DMBX1: variants seen among roughly 807,000 people sequenced by gnomAD.
The protein encoded by DMBX1 is diencephalon/mesencephalon homeobox 1, also known as diencephalon/mesencephalon homeobox protein 1.
In DMBX1, 7 loss-of-function variants were observed where a neutral mutation model predicts 30.4. The ratio of observed to expected loss-of-function variants is 0.23; its 90% CI spans 0.13 to 0.43. The LOEUF (loss-of-function observed/expected upper bound fraction) is 0.43, where lower values mean the gene tolerates loss of function less well. DMBX1 is among the 20% of genes least tolerant of loss of function. DMBX1 has a pLI of 1.00. For missense variants in DMBX1, 460 were observed against 508.5 expected (o/e 0.90, Z 0.92); for synonymous variants, 222 against 214.2 (o/e 1.04, Z -0.32).
In DMBX1 at chr1:46,510,660, G is replaced by A. The variant is rs774193919; in HGVS notation, c.333+6G>A. 9 of 1,612,714 alleles carry A rather than the reference G, an allele frequency of 5.6e-6. No homozygotes were observed. The highest frequency in any genetic ancestry group is 5.1e-6 in the Non-Finnish European group (6 of 1,179,500). Reference sequence around the variant, plus strand: ...TGCCTGAGGCCCGGGTGCAGGTAGGGCCCAACTCTCCTAACTAGGCCTTGC... The same window carrying A: ...TGCCTGAGGCCCGGGTGCAGGTAGGACCCAACTCTCCTAACTAGGCCTTGC... On this transcript the variant is annotated splice_donor_region_variant and intron_variant, in intron 4 of 5. Transcript: ENST00000360032. This position sits in a 1 kb window ranked among gnomAD's most constrained non-coding sequence, Gnocchi z 4.1.
chr1:46,512,034 T>G lies in DMBX1; in HGVS notation c.683-9T>G. The G allele has an allele frequency of 6.2e-7, 1 of 1,606,328 alleles. No individual in the cohort carries two copies. Among genetic ancestry groups the G allele is most frequent in the Non-Finnish European group, 8.5e-7 (1 of 1,177,864 alleles). Reference sequence around the variant, plus strand: ...CTGAGGGCTTTGTTCTTGGGTTCTCTGCTTGCAGATTCCCCAGGCAGCCTG... The same window carrying G: ...CTGAGGGCTTTGTTCTTGGGTTCTCGGCTTGCAGATTCCCCAGGCAGCCTG... On this transcript the variant is annotated splice_polypyrimidine_tract_variant and intron_variant, in intron 5 of 5. Transcript: ENST00000360032. The surrounding 1 kb of genome is among the most constrained non-coding windows in gnomAD (Gnocchi z 4.8).
intron 5 of DMBX1, 80 bp downstream of exon 5, chr1:46,511,363 A>G: frequency 7.3e-7 from 1 of 1,374,850 alleles, no homozygotes; most frequent in Non-Finnish European, 9.6e-7. Flanking sequence ...CGAGTAATCA[A>G]CTGCCCCTCA....
intron 2 of DMBX1, among the ~76,000 whole-genome samples, chr1:46,496,119 C>T (rs1467507554): frequency 6.6e-6 from 1 of 152,132 alleles, no homozygotes; most frequent in East Asian, 1.9e-4. Flanking sequence ...CCTTTGAGTG[C>T]CTGATACTGA....
Position 46,493,269 on chromosome 1 carries a change from G to T in DMBX1, c.-13+2486G>T, listed in dbSNP as rs1293269285. On this transcript the variant is annotated intron_variant, in intron 2 of 5. Transcript: ENST00000360032. The surrounding 1 kb of genome is among the most constrained non-coding windows in gnomAD (Gnocchi z 4.1). ...GGTGGGTTGGTGAGCTTTCGGCAGG[G>T]TGTGTGTTCTGGTCTCCACATTCAT... Among the ~76,000 whole-genome samples, 1 of 152,220 alleles carries T rather than the reference G, an allele frequency of 6.6e-6. No individual in the cohort carries two copies. Among genetic ancestry groups the T allele is most frequent in the Non-Finnish European group, 1.5e-5 (1 of 68,040 alleles).
intron 2 of DMBX1, among the ~76,000 whole-genome samples, chr1:46,503,941 G>T (rs12031111): frequency 2.1e-4 from 32 of 152,242 alleles, no homozygotes; most frequent in Non-Finnish European, 2.9e-4. Flanking sequence ...GCAGCCTCTT[G>T]TTGAGGCTGG....
rs564250839 is a variant in DMBX1, at chr1:46,506,856, G to A, written c.-12-143G>A. On this transcript the variant is annotated intron_variant, in intron 2 of 5. Transcript: ENST00000360032. ...CAGGAACCCCCACACGGTAAGCCACGGGCAAGACAGGCTCCCTTCCGATGG... is the reference window on the plus strand; with the variant it reads ...CAGGAACCCCCACACGGTAAGCCACAGGCAAGACAGGCTCCCTTCCGATGG... 1.4e-5 allele frequency: 12 copies of A among 881,902 alleles called. No homozygotes were observed. In the East Asian group the frequency reaches 1.9e-4, roughly 14 times the overall value. 54.6% of individuals were successfully genotyped at this position (881,902 alleles called of 1,614,324 possible). A position where few individuals can be genotyped will look rare whatever the true frequency, so the allele number is the denominator to read the frequency against.
rs759299042 is a variant in DMBX1, at chr1:46,507,182, G to A, written c.154+18G>A. The A allele has an allele frequency of 6.2e-7, 1 of 1,613,534 alleles. No individual in the cohort carries two copies. The highest frequency in any genetic ancestry group is 1.3e-5 in the African/African-American group (1 of 74,930). ...CCTGGCTGGTAAGGGCCCTGGGGAT[G>A]GGACCATGGGGACAGGACTGTGGGG... is the stretch of plus-strand genomic sequence containing the variant. On this transcript the variant is annotated intron_variant, in intron 3 of 5. Transcript: ENST00000360032.
chr1:46,494,703 T>C (rs1665996207), intron 2 of DMBX1, among the ~76,000 whole-genome samples: 1 of 152,068 alleles, frequency 6.6e-6, no homozygotes, highest in Admixed American at 6.5e-5. Flanking sequence ...CGTTATGAAG[T>C]CCAGCACCTC....
chr1:46,494,877 A>G (rs1665999889), intron 2 of DMBX1, among the ~76,000 whole-genome samples: 1 of 152,172 alleles, frequency 6.6e-6, no homozygotes, highest in African/African-American at 2.4e-5. Flanking sequence ...GGATCAGGCA[A>G]TGCAGGGTTA....
At chr1:46,503,490 G>A (rs1221614801) in intron 2 of DMBX1, among the ~76,000 whole-genome samples, 5 of 152,222 alleles carry the variant, frequency 3.3e-5, no homozygotes, top group African/African-American at 1.2e-4. Flanking sequence ...ATGGATGTGA[G>A]TGTAATGTTT....
rs1235933071 is a variant in DMBX1 at position 46,510,586 on chromosome 1, C to T, written c.265C>T (p.His89Tyr). Residue 89 changes from histidine to tyrosine, a missense_variant, in exon 4 of 6, where the codon CAC (histidine) becomes TAC (tyrosine). His to Tyr is a moderately conservative substitution (Grantham distance 83). Transcript: ENST00000360032. The surrounding 1 kb of genome is among the most constrained non-coding windows in gnomAD (Gnocchi z 4.1). ...CCTGGAAAAGACCTTCCAGAAGACT[C>T]ACTACCCAGATGTGGTGATGCGTGA... ...EALEKTFQKT[H>Y]YPDVVMRERL... The T allele has an allele frequency of 6.2e-7, 1 of 1,614,188 alleles. No homozygotes were observed. Among genetic ancestry groups the T allele is most frequent in the East Asian group, 2.2e-5 (1 of 44,890 alleles).
At chr1:46,497,870 C>T (rs372743440) in intron 2 of DMBX1, among the ~76,000 whole-genome samples, 8 of 152,246 alleles carry the variant, frequency 5.3e-5, no homozygotes, top group East Asian at 3.8e-4. Flanking sequence ...AAGCACAATT[C>T]GACAGCTTGT....
At chr1:46,502,442 C>T (rs530353873) in intron 2 of DMBX1, among the ~76,000 whole-genome samples, 1 of 151,888 alleles carries the variant, frequency 6.6e-6, no homozygotes, top group Non-Finnish European at 1.5e-5. Context: ...ATACCAGAAT[C>T]TGACCATTTT....
chr1:46,502,998 G>A (rs1354837937), intron 2 of DMBX1, among the ~76,000 whole-genome samples: 1 of 152,234 alleles, frequency 6.6e-6, no homozygotes, highest in Admixed American at 6.5e-5. Flanking sequence ...ATTTCCATTG[G>A]GCCGTGGGAT....
In DMBX1 at chr1:46,510,468, A is replaced by G. The variant is rs1301358163; in HGVS notation, c.155-8A>G. 1 of 1,613,094 alleles carries G rather than the reference A, an allele frequency of 6.2e-7. No individual in the cohort carries two copies. The highest frequency in any genetic ancestry group is 2.2e-5 in the East Asian group (1 of 44,884). On this transcript the variant is annotated splice_region_variant and splice_polypyrimidine_tract_variant and intron_variant, in intron 3 of 5. Transcript: ENST00000360032. The surrounding 1 kb of genome is among the most constrained non-coding windows in gnomAD (Gnocchi z 4.1). ...TCTCCTTGCCCTCCAACGGCTGTAC[A>G]TTTCAAGACATCATCTTGGAGGCCC... is the stretch of plus-strand genomic sequence containing the variant.
chr1:46,492,988 T>A (rs1046423258), intron 2 of DMBX1, among the ~76,000 whole-genome samples: 1 of 151,810 alleles, frequency 6.6e-6, no homozygotes, highest in African/African-American at 2.4e-5. Flanking sequence ...CTGCGCTCCC[T>A]ATTCCCGCCA....
intron 2 of DMBX1, among the ~76,000 whole-genome samples, chr1:46,506,559 A>C (rs1227480968): frequency 2.0e-5 from 3 of 152,250 alleles, no homozygotes; most frequent in African/African-American, 7.2e-5. Flanking sequence ...AATCACAATG[A>C]CTAACACTTT....
At position 46,498,982 on chromosome 1, in the gene DMBX1, A is replaced by G. The variant is rs116002759; in HGVS notation, c.-12-8017A>G. ...CACACAGCTTCATCTCACAGCACACATACATGCACACAGTGTGCACACGAA... is the reference window on the plus strand; with the variant it reads ...CACACAGCTTCATCTCACAGCACACGTACATGCACACAGTGTGCACACGAA... On this transcript the variant is annotated intron_variant, in intron 2 of 5. Transcript: ENST00000360032. Among the ~76,000 whole-genome samples, 140 of 152,204 alleles carry G rather than the reference A, an allele frequency of 9.2e-4. 1 individual carries two copies. Among genetic ancestry groups the G allele is most frequent in the African/African-American group, 3.0e-3 (125 of 41,532 alleles).
In DMBX1 at chr1:46,491,975, C is replaced by T. The variant is rs1665937631; in HGVS notation, c.-13+1192C>T. Among the ~76,000 whole-genome samples, 1 of 152,172 alleles carries T rather than the reference C, an allele frequency of 6.6e-6. No individual in the cohort carries two copies. The highest frequency in any genetic ancestry group is 1.5e-5 in the Non-Finnish European group (1 of 68,038). ...CTCTCTCCTGTATGGCTGGGGTAGACACACTTTTGGGAAAAGAAGCAGGGC... is the reference window on the plus strand; with the variant it reads ...CTCTCTCCTGTATGGCTGGGGTAGATACACTTTTGGGAAAAGAAGCAGGGC... On this transcript the variant is annotated intron_variant, in intron 2 of 5. Transcript: ENST00000360032. The surrounding 1 kb of genome is among the most constrained non-coding windows in gnomAD (Gnocchi z 5.5).
Sources: gnomAD v4.1 joint callset for allele counts (sites outside exome capture counted in the v4.1 genomes callset) on GRCh38, gnomAD v4.1.1 for gene constraint, Gnocchi (gnomAD v3.1) non-coding constraint, MANE v1.5 for transcripts, NCBI Gene and HGNC (gene_info 2026-07-23, HGNC 2026-07-21) for gene names.